CD27: variants seen among roughly 807,000 people sequenced by gnomAD.
The protein encoded by CD27 is CD27 antigen.
Under a neutral mutation model 25.9 loss-of-function variants are expected in CD27, and 16 were observed. The ratio of observed to expected loss-of-function variants is 0.62; its 90% confidence interval spans 0.42 to 0.94. The LOEUF is 0.94. CD27 is among the 40% of genes least tolerant of loss of function. The pLI is 0.00. For missense variants in CD27, 300 were observed against 333.2 expected, an observed-to-expected ratio of 0.90 and a Z score of 0.78; for synonymous variants, 142 against 124.3, an observed-to-expected ratio of 1.14 and a Z score of -0.95.
At chr12:6,447,442 CA>C (rs1407861027) in intron 2 of CD27, 4 of 152,198 alleles carry the variant, frequency 2.6e-5, no homozygotes, top group Non-Finnish European at 4.4e-5. Flanking sequence ...GAAATGCAGT[CA>C]GGGGTGAGAA....
In CD27 at chr12:6,451,690, A is replaced by G; in HGVS notation, c.*298A>G. The G allele has an allele frequency of 2.8e-6, 1 of 356,806 alleles. No homozygotes were observed. Among genetic ancestry groups the G allele is most frequent in the East Asian group, 5.0e-5 (1 of 20,062 alleles). 22.1% of individuals were successfully genotyped at this position (356,806 alleles called of 1,614,324 possible). On this transcript the variant is annotated 3_prime_UTR_variant, in exon 6 of 6. Coordinates refer to ENST00000266557, the MANE Select transcript of CD27 (RefSeq NM_001242.5). Reference sequence around the variant, plus strand: ...AAGACCCACATGCTACAAGACGGGCAAAATAAAGTGACAGATGACCACCCT... The same window carrying G: ...AAGACCCACATGCTACAAGACGGGCGAAATAAAGTGACAGATGACCACCCT...
In CD27 at chr12:6,451,627, G is replaced by A. The variant is rs1271853064; in HGVS notation, c.*235G>A. ...CCAGCTGCGCCTGCGCTGCAGGAGG[G>A]CGGGGGCTCTGGTTGTAAAACACAC... On this transcript the variant is annotated 3_prime_UTR_variant, in exon 6 of 6. Transcript: ENST00000266557. 4.1e-6 allele frequency: 2 copies of A among 493,388 alleles called. No individual in the cohort carries two copies. The highest frequency in any genetic ancestry group is 3.5e-5 in the Admixed American group (1 of 28,610). The allele number at this position is 493,388 out of a possible 1,614,324, so 30.6% of individuals were successfully genotyped here. A position where few individuals can be genotyped will look rare whatever the true frequency, so the allele number is the denominator to read the frequency against.
chr12:6,444,924 A>G (rs938247022), upstream of CD27: 1 of 613,288 alleles, frequency 1.6e-6, no homozygotes. Flanking sequence ...TATGAGAGAG[A>G]AAAAAAAAAC....
At position 6,445,347 on chromosome 12, in the gene CD27, C is replaced by G; in HGVS notation, c.137-77C>G. Reference sequence around the variant, plus strand: ...TCAAGCAAGGAGGGAAATCCTGCAGCTGTGGGGAGGCACCACCTTGAAGAG... The same window carrying G: ...TCAAGCAAGGAGGGAAATCCTGCAGGTGTGGGGAGGCACCACCTTGAAGAG... On this transcript the variant is annotated intron_variant, in intron 1 of 5. Coordinates refer to ENST00000266557, the MANE Select transcript of CD27 (RefSeq NM_001242.5). This position sits in a 1 kb window ranked among gnomAD's most constrained non-coding sequence, Gnocchi z 4.5. 1.9e-6 allele frequency: 3 copies of G among 1,608,006 alleles called. No homozygotes were observed. Among genetic ancestry groups the G allele is most frequent in the Non-Finnish European group, 2.6e-6 (3 of 1,175,550 alleles).
chr12:6,445,002 C>A lies in CD27; in HGVS notation c.-94C>A. 1.4e-6 allele frequency: 2 copies of A among 1,383,244 alleles called. No individual in the cohort carries two copies. Among genetic ancestry groups the A allele is most frequent in the Non-Finnish European group, 1.9e-6 (2 of 1,045,554 alleles). 85.7% of individuals were successfully genotyped at this position (1,383,244 alleles called of 1,614,324 possible). A position where few individuals can be genotyped will look rare whatever the true frequency, so the allele number is the denominator to read the frequency against. ...TGAAGCAGCCACTGCCCAGGGGGTG[C>A]AAAGAAGAGACAGCAGCGCCCAGCT... is the stretch of plus-strand genomic sequence containing the variant. On this transcript the variant is annotated 5_prime_UTR_variant, in exon 1 of 6. Transcript: ENST00000266557. This position sits in a 1 kb window ranked among gnomAD's most constrained non-coding sequence, Gnocchi z 4.5.
chr12:6,451,231 C>T lies in CD27; in HGVS notation c.659-37C>T, dbSNP rs1306703211. Reference sequence around the variant, plus strand: ...TCCTTCTCCCGTCTCCCCCTGCCCCCACTGCTGGCCAAGACTCATCGGATC... The same window carrying T: ...TCCTTCTCCCGTCTCCCCCTGCCCCTACTGCTGGCCAAGACTCATCGGATC... On this transcript the variant is annotated intron_variant, in intron 5 of 5. Coordinates refer to ENST00000266557, the MANE Select transcript of CD27 (RefSeq NM_001242.5). 6 of 1,606,308 alleles carry T rather than the reference C, an allele frequency of 3.7e-6. No homozygotes were observed. The South Asian group carries it at 4.4e-5, about 12-fold the overall frequency.
At position 6,451,501 on chromosome 12, in the gene CD27, T is replaced by G; in HGVS notation, c.*109T>G. On this transcript the variant is annotated 3_prime_UTR_variant, in exon 6 of 6. Transcript: ENST00000266557. The stretch of plus-strand genomic sequence containing the variant: ...CCACAACTGCAGTCCCATCCTCTTG[T>G]CAGGGCCCTTTCCTGTGTACACGTG... The G allele has an allele frequency of 1.7e-6, 2 of 1,192,550 alleles. No homozygotes were observed. The highest frequency in any genetic ancestry group is 1.2e-6 in the Non-Finnish European group (1 of 848,540). 73.9% of individuals were successfully genotyped at this position (1,192,550 alleles called of 1,614,324 possible).
upstream of CD27, among the ~76,000 whole-genome samples, chr12:6,444,664 TGG>T (rs57782770): frequency 5.6e-5 from 4 of 71,092 alleles, no homozygotes; most frequent in South Asian, 5.3e-4. Flanking sequence ...GGGGGGTGGG[TGG>T]GGGGGGGTAA....
chr12:6,451,554 G>A lies in CD27; in HGVS notation c.*162G>A, dbSNP rs906620442. 1.3e-5 allele frequency: 9 copies of A among 719,400 alleles called. No individual in the cohort carries two copies. The African/African-American group carries it at 1.6e-4, about 13-fold the overall frequency. 44.6% of individuals were successfully genotyped at this position (719,400 alleles called of 1,614,324 possible). On this transcript the variant is annotated 3_prime_UTR_variant, in exon 6 of 6. Coordinates refer to ENST00000266557, the MANE Select transcript of CD27 (RefSeq NM_001242.5). ...AGAGTGCCTTTTCGAGACTGGCAGG[G>A]ACGAGGACAAATATGGATGAGGTGG...
intron 5 of CD27, 54 bp downstream of exon 5, chr12:6,451,068 C>A (rs961497339): frequency 1.2e-6 from 2 of 1,610,054 alleles, no homozygotes; most frequent in African/African-American, 2.7e-5. Flanking sequence ...ACCCCACTGG[C>A]TCAACCCCAC....
Position 6,445,539 on chromosome 12 carries a change from T to C in CD27, c.252T>C (p.Cys84=). ...ACACCCGGCCCCACTGTGAGAGCTG[T>C]CGGCACTGTAACTCTGGTGAGGTGG... ...DHHTRPHCES[C]RHCNSGLLVR... is the part of the protein sequence containing the mutation. Residue 84 remains cysteine (C), a synonymous_variant, in exon 2 of 6, where the codon TGT becomes TGC. Transcript: ENST00000266557. The surrounding 1 kb of genome is among the most constrained non-coding windows in gnomAD (Gnocchi z 4.5). 1 of 1,613,710 alleles carries C rather than the reference T, an allele frequency of 6.2e-7. No individual in the cohort carries two copies. The highest frequency in any genetic ancestry group is 8.5e-7 in the Non-Finnish European group (1 of 1,179,998).
At chr12:6,448,512 T>A (rs1949454919) in intron 2 of CD27, 1 of 152,376 alleles carries the variant, frequency 6.6e-6, no homozygotes, top group African/African-American at 2.4e-5. Flanking sequence ...ACGCCTGTAA[T>A]CCCAGCACTT....
rs1407488003 is a variant in CD27 at position 6,450,622 on chromosome 12, A to G, written c.530A>G (p.His177Arg). 1 of 1,611,988 alleles carries G rather than the reference A, an allele frequency of 6.2e-7. No homozygotes were observed. The highest frequency in any genetic ancestry group is 1.7e-5 in the Admixed American group (1 of 60,004). The change falls in exon 4 of 6, where the codon CAC becomes CGC. Residue 177 changes from histidine (H) to arginine (R), a missense_variant. Transcript: ENST00000266557. This position sits in a 1 kb window ranked among gnomAD's most constrained non-coding sequence, Gnocchi z 4.1. ...RQLPARTLST[H>R]WPPQRSLCSS... ...CTGCCTGCCCGGACTCTCTCTACCC[A>G]CTGGCCACGTGAGTTTTCTCCTTAA... is the stretch of plus-strand genomic sequence containing the variant.
chr12:6,451,386 C>G lies in CD27; in HGVS notation c.777C>G (p.Ser259=). The part of the protein sequence containing the change: ...EDYRKPEPAC[S]P ...ACCGAAAACCGGAGCCTGCCTGCTCCCCCTGAGCCAGCACCTGCGGGAGCT... is the reference window on the plus strand; with the variant it reads ...ACCGAAAACCGGAGCCTGCCTGCTCGCCCTGAGCCAGCACCTGCGGGAGCT... Residue 259 remains serine (S), a synonymous_variant, in exon 6 of 6, where the codon TCC becomes TCG. Transcript: ENST00000266557. The G allele has an allele frequency of 6.2e-7, 1 of 1,612,916 alleles. No individual in the cohort carries two copies. Among genetic ancestry groups the G allele is most frequent in the Non-Finnish European group, 8.5e-7 (1 of 1,179,844 alleles).
chr12:6,450,407 C>A lies in CD27; in HGVS notation c.448+55C>A. The A allele has an allele frequency of 1.3e-6, 2 of 1,548,022 alleles. No homozygotes were observed. The highest frequency in any genetic ancestry group is 1.1e-5 in the South Asian group (1 of 87,530). ...ACGTGGGGTAGCGGTGATACCCCAA[C>A]CAGTACTCCCCACTCCTACCCCTAG... On this transcript the variant is annotated intron_variant, in intron 3 of 5. Coordinates refer to ENST00000266557, the MANE Select transcript of CD27 (RefSeq NM_001242.5). The surrounding 1 kb of genome is among the most constrained non-coding windows in gnomAD (Gnocchi z 4.1).
rs1359180659 is a variant in CD27, at chr12:6,451,651, A to T, written c.*259A>T. ...GGCGGGGGCTCTGGTTGTAAAACAC[A>T]CTTCCTGCTGCGAAAGACCCACATG... On this transcript the variant is annotated 3_prime_UTR_variant, in exon 6 of 6. Coordinates refer to ENST00000266557, the MANE Select transcript of CD27 (RefSeq NM_001242.5). The T allele has an allele frequency of 4.5e-6, 2 of 446,436 alleles. No individual in the cohort carries two copies. The highest frequency in any genetic ancestry group is 8.0e-6 in the Non-Finnish European group (2 of 249,316). The allele number at this position is 446,436 out of a possible 1,614,324, so 27.7% of individuals were successfully genotyped here. A position where few individuals can be genotyped will look rare whatever the true frequency, so the allele number is the denominator to read the frequency against.
rs1421311644 is a variant in CD27, at chr12:6,450,315, C to T, written c.411C>T (p.Ser137=). ...SLTARSSQAL[S]PHPQPTHLPY... is the part of the protein sequence containing the mutation. ...CCGCTCGGTCGTCTCAGGCCCTGAG[C>T]CCACACCCTCAGCCCACCCACTTAC... The change falls in exon 3 of 6, where the codon AGC becomes AGT. Residue 137 remains serine (S), a synonymous_variant. Coordinates refer to ENST00000266557, the MANE Select transcript of CD27 (RefSeq NM_001242.5). This position sits in a 1 kb window ranked among gnomAD's most constrained non-coding sequence, Gnocchi z 4.1. The T allele has an allele frequency of 6.2e-7, 1 of 1,613,206 alleles. No individual in the cohort carries two copies. The highest frequency in any genetic ancestry group is 1.3e-5 in the African/African-American group (1 of 75,036).
At chr12:6,447,830 G>C (rs1409883565) in intron 2 of CD27, 1 of 149,054 alleles carries the variant, frequency 6.7e-6, no homozygotes, top group African/African-American at 2.5e-5. Context: ...TCCCCTTCCT[G>C]TGTCCAAGTG....
At chr12:6,444,183 G>A (rs927143477), upstream of CD27, among the ~76,000 whole-genome samples, 11 of 152,106 alleles carry the variant, frequency 7.2e-5, no homozygotes, top group East Asian at 1.9e-3. Context: ...GAGAGGGAAG[G>A]CCATGTGGGC....
Sources: gnomAD v4.1 joint callset for allele counts (sites outside exome capture counted in the v4.1 genomes callset) on GRCh38, gnomAD v4.1.1 for gene constraint, Gnocchi (gnomAD v3.1) non-coding constraint, MANE v1.5 for transcripts, NCBI Gene and HGNC (gene_info 2026-07-23, HGNC 2026-07-21) for gene names.